Variants in COL22A1 observed in about 807,000 individuals in gnomAD.
COL22A1 encodes the protein collagen alpha-1(XXII) chain.
A neutral mutation model predicts 248.9 loss-of-function variants in COL22A1; 221 were observed. That is an observed-to-expected ratio of 0.89 (90% CI 0.80 to 0.99). COL22A1 has a LOEUF of 0.99. COL22A1 is among the 50% of genes least tolerant of loss of function. COL22A1 has a pLI of 0.00. For missense variants in COL22A1, 2,240 were observed against 2,179.0 expected (o/e 1.03, Z -0.56); for synonymous variants, 891 against 793.4 (o/e 1.12, Z -2.07).
chr8:138,698,774 G>A (rs1022282340), intron 32 of COL22A1, among the ~76,000 whole-genome samples: 1 of 151,032 alleles, frequency 6.6e-6, no homozygotes, highest in African/African-American at 2.4e-5. Context: ...GTAAGTACCC[G>A]CCCTGCAGGT....
chr8:138,698,496 G>C (rs1827697659), intron 32 of COL22A1, among the ~76,000 whole-genome samples: 1 of 152,186 alleles, frequency 6.6e-6, no homozygotes, highest in Non-Finnish European at 1.5e-5. Context: ...TGCTGCATGG[G>C]GTGCTCTGTC....
At chr8:138,641,962 C>T (rs1821751759) in intron 47 of COL22A1, among the ~76,000 whole-genome samples, 1 of 152,162 alleles carries the variant, frequency 6.6e-6, no homozygotes, top group African/African-American at 2.4e-5. Context: ...GGGTAAATGA[C>T]AAGCATAGAA....
chr8:138,648,660 G>A (rs1447206594), intron 46 of COL22A1, among the ~76,000 whole-genome samples: 2 of 152,046 alleles, frequency 1.3e-5, no homozygotes, highest in East Asian at 3.9e-4. Context: ...AATATGATCA[G>A]CAAGGAAGAT....
In COL22A1 at chr8:138,664,235, A is replaced by G. The variant is rs1236538193; in HGVS notation, c.3151-495T>C. Among the ~76,000 whole-genome samples, 273 of 150,548 alleles carry G rather than the reference A, an allele frequency of 1.8e-3. 2 individuals carry two copies. The highest frequency in any genetic ancestry group is 6.2e-3 in the African/African-American group (252 of 40,748). On this transcript the variant is annotated intron_variant, in intron 41 of 64. Transcript: ENST00000303045. The stretch of plus-strand genomic sequence containing the variant: ...CACACACACACACACACACACACAC[A>G]CACACACACACACACACACACAGAT...
intron 52 of COL22A1, chr8:138,619,971 C>T (rs1819641856): frequency 5.7e-6 from 1 of 176,452 alleles, no homozygotes; most frequent in Non-Finnish European, 1.2e-5. Context: ...GAGCGCCACA[C>T]CTAAGCGGAT....
chr8:138,850,817 C>A (rs1357556520), intron 3 of COL22A1, among the ~76,000 whole-genome samples: 1 of 152,214 alleles, frequency 6.6e-6, no homozygotes, highest in African/African-American at 2.4e-5. Flanking sequence ...AAAGTCCCTC[C>A]CCTTTCCATC....
chr8:138,763,161 T>C (rs1586679995), intron 16 of COL22A1, among the ~76,000 whole-genome samples: 1 of 151,726 alleles, frequency 6.6e-6, no homozygotes, highest in South Asian at 2.1e-4. Flanking sequence ...CTGAGGCGGG[T>C]GAATCACCTG....
chr8:138,700,217 T>C, intron 31 of COL22A1, 73 bp from the exon 32 acceptor site: 1 of 1,432,096 alleles, frequency 7.0e-7, no homozygotes, highest in South Asian at 1.2e-5. Context: ...AAACCTGCCT[T>C]GGAGAGATTT....
chr8:138,773,935 C>T (rs532332948), intron 16 of COL22A1, among the ~76,000 whole-genome samples: 43 of 152,284 alleles, frequency 2.8e-4, no homozygotes, highest in Non-Finnish European at 4.3e-4. Flanking sequence ...CCCCACTCTC[C>T]GCTACACGGG....
intron 18 of COL22A1, among the ~76,000 whole-genome samples, chr8:138,756,181 C>T (rs118136149): frequency 1.2e-4 from 19 of 152,338 alleles, no homozygotes; most frequent in Non-Finnish European, 2.4e-4. Context: ...CCTGCGCCAG[C>T]CACTGTCTTT....
At chr8:138,805,964 GT>G in intron 10 of COL22A1, among the ~76,000 whole-genome samples, 2 of 135,422 alleles carry the variant, frequency 1.5e-5, no homozygotes, top group East Asian at 2.4e-4. Context: ...TGGTGTGTAT[GT>G]GTGATAGTGT....
chr8:138,802,436 T>G (rs888087562), intron 11 of COL22A1, among the ~76,000 whole-genome samples: 1 of 151,872 alleles, frequency 6.6e-6, no homozygotes, highest in Non-Finnish European at 1.5e-5. Flanking sequence ...GAGTGATGTC[T>G]TGGAGAATTA....
chr8:138,629,033 G>A (rs1174729661), intron 50 of COL22A1, among the ~76,000 whole-genome samples: 1 of 151,590 alleles, frequency 6.6e-6, no homozygotes, highest in South Asian at 2.1e-4. Context: ...GATGGGTCTC[G>A]ATCTCCTGAC....
At chr8:138,702,617 A>AC (rs1490524689) in intron 31 of COL22A1, among the ~76,000 whole-genome samples, 2 of 151,982 alleles carry the variant, frequency 1.3e-5, no homozygotes, top group Admixed American at 6.6e-5. Context: ...AAAGTGGAAA[A>AC]AAAAAAAAGA....
At chr8:138,818,540 G>A (rs1331348098) in intron 7 of COL22A1, among the ~76,000 whole-genome samples, 1 of 152,150 alleles carries the variant, frequency 6.6e-6, no homozygotes, top group Non-Finnish European at 1.5e-5. Context: ...AAATGGACCT[G>A]GAAGACGGGC....
intron 3 of COL22A1, among the ~76,000 whole-genome samples, chr8:138,847,131 T>C (rs1218867986): frequency 1.3e-5 from 2 of 152,166 alleles, no homozygotes; most frequent in African/African-American, 2.4e-5. Flanking sequence ...GGCATGTCTG[T>C]CTCCCCAGGG....
At chr8:138,890,770 T>C (rs1055293664) in intron 1 of COL22A1, among the ~76,000 whole-genome samples, 1 of 151,910 alleles carries the variant, frequency 6.6e-6, no homozygotes, top group African/African-American at 2.4e-5. Flanking sequence ...CCTAACACTT[T>C]GGGAGGCCAA....
At position 138,813,004 on chromosome 8, in the gene COL22A1, T is replaced by A. The variant is rs1818369853; in HGVS notation, c.1261A>T (p.Ile421Phe). 6.2e-7 allele frequency: 1 copy of A among 1,613,762 alleles called. No individual in the cohort carries two copies. The highest frequency in any genetic ancestry group is 1.3e-5 in the African/African-American group (1 of 74,886). Reference sequence around the variant, plus strand: ...TGTCTCGAGTCACAATAGATCACAATCCGCTGTAGGTCAAACTGGAAAGGA... The same window carrying A: ...TGTCTCGAGTCACAATAGATCACAAACCGCTGTAGGTCAAACTGGAAAGGA... ...SVPIDFDLQR[I>F]VIYCDSRHAE... The change falls in exon 8 of 65, where the codon ATT becomes TTT. Residue 421 changes from isoleucine to phenylalanine, a missense_variant. Ile to Phe is a conservative substitution (Grantham distance 21, BLOSUM62 0). Coordinates refer to ENST00000303045, the MANE Select transcript of COL22A1 (RefSeq NM_152888.3).
intron 23 of COL22A1, among the ~76,000 whole-genome samples, chr8:138,729,148 AAAAT>A (rs565304135): frequency 1.6e-3 from 247 of 152,292 alleles, no homozygotes; most frequent in African/African-American, 5.6e-3. Flanking sequence ...ACAGAGGAGG[AAAAT>A]GAACTGATAT....
Sources: gnomAD v4.1 joint callset for allele counts (sites outside exome capture counted in the v4.1 genomes callset) on GRCh38, gnomAD v4.1.1 for gene constraint, MANE v1.5 for transcripts, NCBI Gene and HGNC (gene_info 2026-07-23, HGNC 2026-07-21) for gene names.